Variants in APLP2 observed in about 807,000 individuals in gnomAD.
The protein encoded by APLP2 is amyloid beta precursor like protein 2, also known as CDEI box-binding protein.
A neutral mutation model predicts 89.9 loss-of-function variants in APLP2; 53 were observed. That is an observed-to-expected ratio of 0.59 (90% CI 0.47 to 0.74). The LOEUF is 0.74. Among genes scored for constraint, APLP2 ranks in the 30% least tolerant of loss-of-function variants. The probability of loss-of-function intolerance (pLI) is 0.00; values close to 1 mark genes in which losing one functional copy is unlikely to be tolerated. For synonymous variants in APLP2, 372 were observed against 348.6 expected, an observed-to-expected ratio of 1.07 and a Z score of -0.75; for missense variants, 973 against 975.9, an observed-to-expected ratio of 1.00 and a Z score of 0.04.
At chr11:130,108,136 A>G (rs1385361371) in intron 1 of APLP2, among the ~76,000 whole-genome samples, 2 of 152,240 alleles carry the variant, frequency 1.3e-5, no homozygotes, top group African/African-American at 4.8e-5. Flanking sequence ...AGGCAATACC[A>G]TTCAGGACAT....
Position 130,109,578 on chromosome 11 carries a change from A to G in APLP2, c.255A>G (p.Glu85=). 4 of 1,613,510 alleles carry G rather than the reference A, an allele frequency of 2.5e-6. No homozygotes were observed. The highest frequency in any genetic ancestry group is 3.4e-6 in the Non-Finnish European group (4 of 1,179,718). Residue 85 remains glutamate (E), a synonymous_variant, in exon 2 of 17, where the codon GAA becomes GAG. Transcript: ENST00000338167. ...CCAAGAGCTGCTTTGAAACAAAAGAAGAAGTTCTTCAGTACTGTCAGGAGG... is the reference window on the plus strand; with the variant it reads ...CCAAGAGCTGCTTTGAAACAAAAGAGGAAGTTCTTCAGTACTGTCAGGAGG... ...TGTKSCFETK[E]EVLQYCQEMY...
intron 1 of APLP2, among the ~76,000 whole-genome samples, chr11:130,079,461 A>G (rs1347896140): frequency 1.3e-5 from 2 of 152,190 alleles, no homozygotes; most frequent in African/African-American, 4.8e-5. Context: ...AGATTTCTGC[A>G]TAGAGATCTT....
chr11:130,072,740 G>T (rs894062490), intron 1 of APLP2, among the ~76,000 whole-genome samples: 1 of 152,176 alleles, frequency 6.6e-6, no homozygotes, highest in African/African-American at 2.4e-5. Flanking sequence ...GCCTCCCAAA[G>T]TGCTGGGATT....
At chr11:130,099,159 C>T (rs1196045090) in intron 1 of APLP2, among the ~76,000 whole-genome samples, 2 of 152,154 alleles carry the variant, frequency 1.3e-5, no homozygotes, top group Admixed American at 1.3e-4. Flanking sequence ...CTGCAGTTAG[C>T]ATGCCTGACA....
chr11:130,133,804 A>C, intron 12 of APLP2, 76 bp downstream of exon 12: 1 of 1,164,926 alleles, frequency 8.6e-7, no homozygotes, highest in Middle Eastern at 1.9e-4. Flanking sequence ...GGGCAAGAGT[A>C]GAGAGAGATG....
At chr11:130,107,234 C>T (rs1235303822) in intron 1 of APLP2, among the ~76,000 whole-genome samples, 2 of 152,192 alleles carry the variant, frequency 1.3e-5, no homozygotes, top group African/African-American at 2.4e-5. Context: ...TAATTCTCCA[C>T]TTTCATGATT....
intron 3 of APLP2, among the ~76,000 whole-genome samples, chr11:130,117,554 G>A (rs1349499800): frequency 6.6e-6 from 1 of 152,010 alleles, no homozygotes; most frequent in Non-Finnish European, 1.5e-5. Context: ...ACAGGTGCAT[G>A]CCACCATGCC....
In APLP2 at chr11:130,141,928, G is replaced by A. The variant is rs749171173; in HGVS notation, c.2008G>A (p.Gly670Ser). 7 of 1,602,036 alleles carry A rather than the reference G, an allele frequency of 4.4e-6. No homozygotes were observed. In the South Asian group the frequency reaches 7.7e-5, roughly 18 times the overall value. Residue 670 changes from glycine to serine, a missense_variant, in exon 16 of 17, where the codon GGC (glycine) becomes AGC (serine). Coordinates refer to ENST00000338167, the MANE Select transcript of APLP2 (RefSeq NM_001142276.2). The surrounding 1 kb of genome is among the most constrained non-coding windows in gnomAD (Gnocchi z 4.2). ...CTGCTTTATTACGTAGGAATCCGTGGGCCCACTGCGGGAGGACTTCAGTCT... is the reference window on the plus strand; with the variant it reads ...CTGCTTTATTACGTAGGAATCCGTGAGCCCACTGCGGGAGGACTTCAGTCT... ...GGLEEERESV[G>S]PLREDFSLSS...
intron 1 of APLP2, among the ~76,000 whole-genome samples, chr11:130,076,602 A>G (rs1942173422): frequency 6.6e-6 from 1 of 152,130 alleles, no homozygotes; most frequent in African/African-American, 2.4e-5. Context: ...TGGTCCAGAA[A>G]AAAACTACTT....
intron 11 of APLP2, among the ~76,000 whole-genome samples, chr11:130,133,138 T>C (rs923922731): frequency 6.6e-6 from 1 of 152,064 alleles, no homozygotes; most frequent in African/African-American, 2.4e-5. Flanking sequence ...TTTTTTTTTT[T>C]TTAAGACAGG....
chr11:130,109,982 A>G (rs999408340), intron 2 of APLP2, among the ~76,000 whole-genome samples: 1 of 152,238 alleles, frequency 6.6e-6, no homozygotes, highest in African/African-American at 2.4e-5. Flanking sequence ...TTAAAGAGAA[A>G]ATGATAGGAG....
chr11:130,106,242 C>T (rs1451280114), intron 1 of APLP2, among the ~76,000 whole-genome samples: 2 of 152,146 alleles, frequency 1.3e-5, no homozygotes, highest in East Asian at 3.9e-4. Context: ...GGGAGCCAAA[C>T]TTGAACCTTC....
rs1951477568 is a variant in APLP2, at chr11:130,135,612, A to C, written c.1734A>C (p.Ser578=). The C allele has an allele frequency of 1.2e-6, 2 of 1,614,142 alleles. No homozygotes were observed. Among genetic ancestry groups the C allele is most frequent in the South Asian group, 1.1e-5 (1 of 91,080 alleles). ...CAGATATGGACCAGTTCACTGCCTC[A>C]ATCTCAGAGACCCCTGTGGACGTCC... ...QRADMDQFTA[S]ISETPVDVRV... The change falls in exon 13 of 17, where the codon TCA becomes TCC. Residue 578 remains serine, a synonymous_variant. Coordinates refer to ENST00000338167, the MANE Select transcript of APLP2 (RefSeq NM_001142276.2).
intron 3 of APLP2, among the ~76,000 whole-genome samples, chr11:130,118,423 A>T (rs1949463054): frequency 6.6e-6 from 1 of 152,240 alleles, no homozygotes; most frequent in Admixed American, 6.5e-5. Flanking sequence ...AGATAAAGAA[A>T]CCGAGGGACA....
chr11:130,102,014 G>A (rs914128081), intron 1 of APLP2: 6 of 455,610 alleles, frequency 1.3e-5, no homozygotes, highest in African/African-American at 1.2e-4. Context: ...GGTGTCTGAT[G>A]TGTGTCTCTG....
At chr11:130,114,625 A>C (rs2135858967) in intron 3 of APLP2, among the ~76,000 whole-genome samples, 1 of 152,330 alleles carries the variant, frequency 6.6e-6, no homozygotes. Context: ...AGATTCTCCA[A>C]GTCCATTCTG....
Position 130,137,644 on chromosome 11 carries a change from G to A in APLP2, c.1837+1929G>A, listed in dbSNP as rs1336891326. Among the ~76,000 whole-genome samples, 3 of 152,216 alleles carry A rather than the reference G, an allele frequency of 2.0e-5. No individual in the cohort carries two copies. In the East Asian group the frequency reaches 5.8e-4, roughly 29 times the overall value. ...AGGTTGGTTGTGAACTGCTGTCTCCGTATAAATATGCCTTATTTACAGTCA... is the reference window on the plus strand; with the variant it reads ...AGGTTGGTTGTGAACTGCTGTCTCCATATAAATATGCCTTATTTACAGTCA... On this transcript the variant is annotated intron_variant, in intron 13 of 16. Coordinates refer to ENST00000338167, the MANE Select transcript of APLP2 (RefSeq NM_001142276.2).
intron 1 of APLP2, chr11:130,070,486 C>A: frequency 8.7e-7 from 1 of 1,152,364 alleles, no homozygotes; most frequent in Non-Finnish European, 1.1e-6. Flanking sequence ...CAGGGGCGGC[C>A]CCGCGCGGAC....
chr11:130,078,189 A>G (rs773789434), intron 1 of APLP2, among the ~76,000 whole-genome samples: 13 of 148,310 alleles, frequency 8.8e-5, no homozygotes, highest in African/African-American at 1.2e-4. Flanking sequence ...TTAGCTTCAT[A>G]TAAGTGGAAT....
Sources: allele counts gnomAD v4.1 joint callset (sites outside exome capture counted in the v4.1 genomes callset), GRCh38; gene constraint gnomAD v4.1.1; non-coding constraint Gnocchi (gnomAD v3.1); transcripts MANE v1.5; gene names NCBI Gene and HGNC (gene_info 2026-07-23, HGNC 2026-07-21).